Variants in ATL2 observed in about 807,000 individuals in gnomAD.
ATL2 encodes atlastin GTPase 2, also known as atlastin-2.
A neutral mutation model predicts 73.9 loss-of-function variants in ATL2; 31 were observed. That is an observed-to-expected ratio of 0.42 (90% CI 0.32 to 0.57). ATL2 has a LOEUF of 0.57. Ranked by LOEUF, ATL2 falls within the 20% of genes least tolerant of loss-of-function variation. The pLI, the probability that ATL2 is intolerant of heterozygous loss-of-function variation, is 0.14. For missense variants in ATL2, 738 were observed against 702.6 expected (o/e 1.05, Z -0.57); for synonymous variants, 291 against 237.5 (o/e 1.23, Z -2.07).
At chr2:38,347,127 GTTTCC>G (rs748985013) in intron 1 of ATL2, among the ~76,000 whole-genome samples, 99 of 152,072 alleles carry the variant, frequency 6.5e-4, no homozygotes, top group Non-Finnish European at 1.1e-3. Flanking sequence ...TTACCACTTA[GTTTCC>G]CATCATAAGC....
chr2:38,346,668 G>A (rs1013369890), intron 1 of ATL2, among the ~76,000 whole-genome samples: 29 of 152,140 alleles, frequency 1.9e-4, no homozygotes, highest in Non-Finnish European at 1.0e-4. Context: ...AATAAGGTTC[G>A]CGCTCCTATG....
intron 2 of ATL2, among the ~76,000 whole-genome samples, chr2:38,336,514 GTC>G (rs1205029440): frequency 1.3e-5 from 2 of 152,252 alleles, no homozygotes; most frequent in South Asian, 4.2e-4. Context: ...CCTCCCATCA[GTC>G]TAGTTCAACT....
chr2:38,350,921 CTTAATTA>C (rs1404750386), intron 1 of ATL2, among the ~76,000 whole-genome samples: 2 of 152,082 alleles, frequency 1.3e-5, no homozygotes, highest in African/African-American at 2.4e-5. Flanking sequence ...AAATTTCAAG[CTTAATTA>C]TAAACTAAGA....
At chr2:38,374,022 G>A (rs954453498) in intron 1 of ATL2, among the ~76,000 whole-genome samples, 1 of 152,136 alleles carries the variant, frequency 6.6e-6, no homozygotes, top group Non-Finnish European at 1.5e-5. Flanking sequence ...CTCCTAAATA[G>A]CTGGGATTAC....
At chr2:38,312,950 T>C (rs1444875103) in intron 7 of ATL2, among the ~76,000 whole-genome samples, 2 of 152,182 alleles carry the variant, frequency 1.3e-5, no homozygotes, top group African/African-American at 4.8e-5. Context: ...ATCCTTAATT[T>C]TGATTCAAGG....
chr2:38,303,933 C>T (rs1667313973), intron 9 of ATL2, among the ~76,000 whole-genome samples: 1 of 152,076 alleles, frequency 6.6e-6, no homozygotes, highest in African/African-American at 2.4e-5. Flanking sequence ...GAGTTCAAGA[C>T]CAGCCTGGAC....
rs1237028165 is a variant in ATL2, at chr2:38,318,596, T to C, written c.542A>G (p.Gln181Arg). ...CGTTGCACAGTCTTTGATAGTTGAC[T>C]GGCTATCAAAGGCACCCTGGGTATC... Reference protein sequence around the residue: ...LMDTQGAFDSQSTIKDCATVF... With the variant: ...LMDTQGAFDSRSTIKDCATVF... The change falls in exon 4 of 13, where the codon CAG (glutamine) becomes CGG (arginine). Residue 181 changes from glutamine to arginine, a missense_variant. By Grantham distance (43) the Gln-to-Arg change is conservative (BLOSUM62 1). Coordinates refer to ENST00000378954, the MANE Select transcript of ATL2 (RefSeq NM_001135673.4). 1.2e-6 allele frequency: 2 copies of C among 1,612,708 alleles called. No homozygotes were observed. The highest frequency in any genetic ancestry group is 1.3e-5 in the African/African-American group (1 of 74,806).
At position 38,356,288 on chromosome 2, in the gene ATL2, G is replaced by A. The variant is rs551122517; in HGVS notation, c.119-12776C>T. On this transcript the variant is annotated intron_variant, in intron 1 of 12. Transcript: ENST00000378954. ...GGCTGGAGTGCAATGGTGCGATCTCGGCTCAAGCAATTCTCCTCCCTCAGC... is the reference window on the plus strand; with the variant it reads ...GGCTGGAGTGCAATGGTGCGATCTCAGCTCAAGCAATTCTCCTCCCTCAGC... 1.1e-3 allele frequency among the ~76,000 whole-genome samples: 166 copies of A among 151,758 alleles called. 1 individual carries two copies. The highest frequency in any genetic ancestry group is 2.0e-3 in the Non-Finnish European group (134 of 67,950).
intron 1 of ATL2, among the ~76,000 whole-genome samples, chr2:38,347,389 T>G (rs144011745): frequency 1.6e-4 from 24 of 152,354 alleles, no homozygotes; most frequent in African/African-American, 5.5e-4. Flanking sequence ...TGGAATGCTC[T>G]GTCCCTAGAA....
At chr2:38,315,521 A>G (rs989867923) in intron 4 of ATL2, among the ~76,000 whole-genome samples, 187 bp from the exon 5 acceptor site, 2 of 152,208 alleles carry the variant, frequency 1.3e-5, no homozygotes, top group East Asian at 1.9e-4. Flanking sequence ...TCAAGATAGA[A>G]TATTAAGGAA....
At chr2:38,327,316 G>C (rs1279777318) in intron 2 of ATL2, among the ~76,000 whole-genome samples, 1 of 151,926 alleles carries the variant, frequency 6.6e-6, no homozygotes, top group African/African-American at 2.4e-5. Context: ...ATAAAAGAGA[G>C]GAGGAATTAG....
intron 2 of ATL2, among the ~76,000 whole-genome samples, chr2:38,325,902 TGTTTAAAAAAA>T (rs1172451615): frequency 3.8e-5 from 2 of 52,852 alleles, no homozygotes; most frequent in Admixed American, 1.6e-4. Context: ...TTTGTTTGTT[TGTTTAAAAAAA>T]AAAAAAAAAA....
At chr2:38,378,096 G>C (rs375809577), upstream of ATL2, among the ~76,000 whole-genome samples, 1 of 152,186 alleles carries the variant, frequency 6.6e-6, no homozygotes, top group Non-Finnish European at 1.5e-5. Context: ...TAAATTACAA[G>C]TCAGCCCGTG....
In ATL2 at chr2:38,340,339, A is replaced by G. The variant is rs563516116; in HGVS notation, c.363+2929T>C. On this transcript the variant is annotated intron_variant, in intron 2 of 12. Transcript: ENST00000378954. ...CTGCATGTAAATTATACTTCAAAGG[A>G]AAAAAATTTTTAAGGAAAAGATACA... Among the ~76,000 whole-genome samples the G allele has an allele frequency of 4.3e-4, 66 of 152,222 alleles. 3 individuals are homozygous for G. In the South Asian group the frequency reaches 7.7e-3, roughly 18 times the overall value.
rs79294046 is a variant in ATL2, at chr2:38,303,999, C to G, written c.1072-3671G>C. On this transcript the variant is annotated intron_variant, in intron 9 of 12. Coordinates refer to ENST00000378954, the MANE Select transcript of ATL2 (RefSeq NM_001135673.4). ...CAACAACAGGCCAGGCACGGTGGCT[C>G]ACACCTGTAATCTCAGCACCTTGGC... is the stretch of plus-strand genomic sequence containing the variant. Among the ~76,000 whole-genome samples, 1,042 of 152,150 alleles carry G rather than the reference C, an allele frequency of 6.8e-3. 11 individuals are homozygous for G. The highest frequency in any genetic ancestry group is 0.057 in the East Asian group (292 of 5,156).
intron 12 of ATL2, among the ~76,000 whole-genome samples, chr2:38,297,574 T>C (rs192561964): frequency 3.1e-4 from 47 of 152,342 alleles, no homozygotes; most frequent in Middle Eastern, 3.4e-3. Flanking sequence ...AGCATGGTTC[T>C]CTGTTCATGG....
chr2:38,339,374 G>T (rs144435239), intron 2 of ATL2, among the ~76,000 whole-genome samples: 1 of 152,134 alleles, frequency 6.6e-6, no homozygotes, highest in East Asian at 1.9e-4. Flanking sequence ...AAGCCGGAAC[G>T]AAGTCAAGGA....
chr2:38,349,770 C>T (rs1245592598), intron 1 of ATL2, among the ~76,000 whole-genome samples: 1 of 152,088 alleles, frequency 6.6e-6, no homozygotes, highest in Non-Finnish European at 1.5e-5. Context: ...AGTCACTATG[C>T]AACCAAGTTT....
At chr2:38,375,947 G>T (rs981052582) in intron 1 of ATL2, among the ~76,000 whole-genome samples, 3 of 152,160 alleles carry the variant, frequency 2.0e-5, no homozygotes, top group Non-Finnish European at 4.4e-5. Context: ...GAATGATGAA[G>T]TATATTTCAA....
Sources: gnomAD v4.1 joint callset for allele counts (sites outside exome capture counted in the v4.1 genomes callset) on GRCh38, gnomAD v4.1.1 for gene constraint, MANE v1.5 for transcripts, NCBI Gene and HGNC (gene_info 2026-07-23, HGNC 2026-07-21) for gene names.